The following TJP3 variants were observed in gnomAD, a reference collection of about 807,000 sequenced individuals.
The protein encoded by TJP3 is tight junction protein ZO-3.
In TJP3, 85 loss-of-function variants were observed where a neutral mutation model predicts 104.2. The ratio of observed to expected loss-of-function variants is 0.82; its 90% CI spans 0.68 to 0.98. The LOEUF is 0.98. TJP3 is among the 50% of genes least tolerant of loss of function. TJP3 has a pLI of 0.00. For missense variants in TJP3, 1,367 were observed against 1,322.8 expected (o/e 1.03, Z -0.52); for synonymous variants, 550 against 550.6 (o/e 1.00, Z 0.02).
intron 20 of TJP3, 97 bp downstream of exon 20, chr19:3,750,281 G>GC: frequency 1.3e-6 from 2 of 1,528,692 alleles, no homozygotes; most frequent in Non-Finnish European, 1.8e-6. Flanking sequence ...CCTTCATGGT[G>GC]CCCCTAGCCT....
chr19:3,732,564 C>A (rs1469312451), intron 6 of TJP3, among the ~76,000 whole-genome samples: 3 of 151,154 alleles, frequency 2.0e-5, no homozygotes, highest in African/African-American at 7.3e-5. Flanking sequence ...GGCTGGAGTG[C>A]AGTGGCGCAA....
chr19:3,717,910 T>C (rs1212308997), intron 1 of TJP3, among the ~76,000 whole-genome samples: 1 of 102,076 alleles, frequency 9.8e-6, no homozygotes, highest in Non-Finnish European at 1.8e-5. Flanking sequence ...CCACCAAGAC[T>C]GGCTAATTAA....
At chr19:3,724,247 G>C (rs990227609) in intron 1 of TJP3, among the ~76,000 whole-genome samples, 7 of 151,828 alleles carry the variant, frequency 4.6e-5, no homozygotes, top group Admixed American at 2.0e-4. Context: ...CCAGGCTGGA[G>C]TGCAGTGGCA....
chr19:3,747,729 G>A, intron 18 of TJP3, 65 bp from the exon 19 acceptor site: 1 of 1,456,050 alleles, frequency 6.9e-7, no homozygotes, highest in Admixed American at 2.4e-5. Flanking sequence ...AAGGTGGGGG[G>A]ATGTCGTGGG....
chr19:3,732,597 C>A (rs962597699), intron 6 of TJP3, among the ~76,000 whole-genome samples: 1 of 151,918 alleles, frequency 6.6e-6, no homozygotes, highest in Non-Finnish European at 1.5e-5. Context: ...GCAACCTCCG[C>A]CTCCCAGGTT....
intron 14 of TJP3, 115 bp downstream of exon 14, chr19:3,740,878 C>T (rs546655450): frequency 3.8e-5 from 39 of 1,022,742 alleles, no homozygotes; most frequent in Admixed American, 2.3e-4. Context: ...TGGTGGCTCA[C>T]GCCTATAATC....
rs1477350960 is a variant in TJP3 at position 3,746,377 on chromosome 19, G to A, written c.2011-108G>A. On this transcript the variant is annotated intron_variant, in intron 16 of 20. Transcript: ENST00000541714. The surrounding 1 kb of genome is among the most constrained non-coding windows in gnomAD (Gnocchi z 4.1). ...CCCCAACTTGCTAGCCTGTGGATGT[G>A]AGAGGCTGGGGTCCACTCTGACCTC... The A allele has an allele frequency of 4.0e-6, 5 of 1,251,056 alleles. No homozygotes were observed. Among genetic ancestry groups the A allele is most frequent in the Non-Finnish European group, 5.6e-6 (5 of 892,674 alleles). The allele number at this position is 1,251,056 out of a possible 1,614,324, so 77.5% of individuals were successfully genotyped here.
In TJP3 at chr19:3,747,997, G is replaced by C; in HGVS notation, c.2526G>C (p.Leu842=). The change falls in exon 19 of 21, where the codon CTG becomes CTC. Residue 842 remains leucine (L), a synonymous_variant. Coordinates refer to ENST00000541714, the MANE Select transcript of TJP3 (RefSeq NM_001267560.2). ...DVDDEPPAPA[L]ARSSEPVQAD... ...ATGATGAGCCCCCGGCTCCAGCCCTGGCCCGGTCCTCGGAGCCCGTGCAGG... is the reference window on the plus strand; with the variant it reads ...ATGATGAGCCCCCGGCTCCAGCCCTCGCCCGGTCCTCGGAGCCCGTGCAGG... 2 of 1,611,058 alleles carry C rather than the reference G, an allele frequency of 1.2e-6. No individual in the cohort carries two copies. The highest frequency in any genetic ancestry group is 1.7e-6 in the Non-Finnish European group (2 of 1,179,112).
rs2036853449 is a variant in TJP3 at position 3,743,931 on chromosome 19, C to A, written c.1844-8C>A. On this transcript the variant is annotated splice_polypyrimidine_tract_variant and splice_region_variant and intron_variant, in intron 14 of 20. Coordinates refer to ENST00000541714, the MANE Select transcript of TJP3 (RefSeq NM_001267560.2). ...CCCTGATTCTTTCACTGTGTCTCTA[C>A]CCCTCAGCCAGTTTCAAGCGCCCGG... is the stretch of plus-strand genomic sequence containing the variant. 6 of 1,613,844 alleles carry A rather than the reference C, an allele frequency of 3.7e-6. No individual in the cohort carries two copies. The highest frequency in any genetic ancestry group is 5.1e-6 in the Non-Finnish European group (6 of 1,179,780).
chr19:3,736,663 C>T (rs2036743387), intron 11 of TJP3, among the ~76,000 whole-genome samples: 1 of 152,008 alleles, frequency 6.6e-6, no homozygotes, highest in South Asian at 2.1e-4. Flanking sequence ...GCAACCTCTG[C>T]CTCCCAGGTT....
Position 3,746,574 on chromosome 19 carries a change from CG to C in TJP3, c.2101del (p.Glu701ArgfsTer45). On this transcript the variant is annotated frameshift_variant, in exon 17 of 21. Transcript: ENST00000541714. LOFTEE classifies it high-confidence loss of function. This position sits in a 1 kb window ranked among gnomAD's most constrained non-coding sequence, Gnocchi z 4.1. ...YYPIVVFFIP[E>X]SRPALKALRQ... ...ACCCCATTGTGGTCTTCTTCATCCC[CG>C]AGAGCCGGCCGGCCCTCAAGGCACT... 6.2e-7 allele frequency: 1 copy of C among 1,614,002 alleles called. No homozygotes were observed. The highest frequency in any genetic ancestry group is 8.5e-7 in the Non-Finnish European group (1 of 1,180,016).
intron 11 of TJP3, among the ~76,000 whole-genome samples, chr19:3,736,918 C>T (rs1448551306): frequency 7.3e-6 from 1 of 136,280 alleles, no homozygotes; most frequent in East Asian, 2.2e-4. Flanking sequence ...CTTGCTCTGT[C>T]ACCCAGGCTG....
chr19:3,741,910 CAGTGAGCGGAGA>C (rs1270383482), intron 14 of TJP3, among the ~76,000 whole-genome samples: 1 of 152,050 alleles, frequency 6.6e-6, no homozygotes, highest in African/African-American at 2.4e-5. Flanking sequence ...GCAGAGGTTG[CAGTGAGCGGAGA>C]TCACACCACT....
intron 5 of TJP3, among the ~76,000 whole-genome samples, chr19:3,731,036 C>T (rs1288649702): frequency 6.6e-6 from 1 of 152,200 alleles, no homozygotes; most frequent in Non-Finnish European, 1.5e-5. Context: ...CCCCCCACCA[C>T]AAATCCCCAC....
intron 14 of TJP3, among the ~76,000 whole-genome samples, chr19:3,743,048 G>A (rs894646317): frequency 1.3e-5 from 2 of 151,858 alleles, no homozygotes; most frequent in East Asian, 2.0e-4. Flanking sequence ...GGCGGATCAC[G>A]AGGTCAGGAG....
At chr19:3,741,370 T>G (rs2036816224) in intron 14 of TJP3, among the ~76,000 whole-genome samples, 1 of 152,118 alleles carries the variant, frequency 6.6e-6, no homozygotes, top group African/African-American at 2.4e-5. Flanking sequence ...CTTGGGAAGC[T>G]GAGGCAGGAA....
chr19:3,734,029 C>T lies in TJP3; in HGVS notation c.877+117C>T, dbSNP rs1414240210. The stretch of plus-strand genomic sequence containing the variant: ...TGGTCCCTAGAGGCTCAGAGAGTGA[C>T]AGGAACTTGCTGAAGGCCACACAGC... On this transcript the variant is annotated intron_variant, in intron 7 of 20. Coordinates refer to ENST00000541714, the MANE Select transcript of TJP3 (RefSeq NM_001267560.2). 8 of 1,371,890 alleles carry T rather than the reference C, an allele frequency of 5.8e-6. No homozygotes were observed. In the East Asian group the frequency reaches 1.3e-4, roughly 22 times the overall value. 85.0% of individuals were successfully genotyped at this position (1,371,890 alleles called of 1,614,324 possible).
chr19:3,743,759 T>G, intron 14 of TJP3, 180 bp from the exon 15 acceptor site: 1 of 573,832 alleles, frequency 1.7e-6, no homozygotes, highest in South Asian at 2.3e-5. Flanking sequence ...TGGCCATTAT[T>G]TGGTCATAAG....
At position 3,746,058 on chromosome 19, in the gene TJP3, A is replaced by G. The variant is rs201423440; in HGVS notation, c.1987A>G (p.Thr663Ala). The G allele has an allele frequency of 1.9e-6, 3 of 1,609,696 alleles. No individual in the cohort carries two copies. Among genetic ancestry groups the G allele is most frequent in the African/African-American group, 1.3e-5 (1 of 74,818 alleles). ...DSPSKIIKLD[T>A]VRVIAEKDKH... ...CCCCTCCAAGATCATCAAACTAGACACCGTGCGGGTGATTGCAGAAAAAGT... is the reference window on the plus strand; with the variant it reads ...CCCCTCCAAGATCATCAAACTAGACGCCGTGCGGGTGATTGCAGAAAAAGT... Residue 663 changes from threonine to alanine, a missense_variant, in exon 16 of 21, where the codon ACC (threonine) becomes GCC (alanine). Transcript: ENST00000541714. The surrounding 1 kb of genome is among the most constrained non-coding windows in gnomAD (Gnocchi z 4.1).
Sources: allele counts gnomAD v4.1 joint callset (sites outside exome capture counted in the v4.1 genomes callset), GRCh38; gene constraint gnomAD v4.1.1; non-coding constraint Gnocchi (gnomAD v3.1); transcripts MANE v1.5; gene names NCBI Gene and HGNC (gene_info 2026-07-23, HGNC 2026-07-21).